The following TLK1 variants were observed in gnomAD, a reference collection of about 807,000 sequenced individuals.
TLK1 encodes the protein serine/threonine-protein kinase tousled-like 1.
A neutral mutation model predicts 105.3 loss-of-function variants in TLK1; 24 were observed. The observed-to-expected ratio is 0.23, with a 90% CI of 0.17 to 0.32. The LOEUF (loss-of-function observed/expected upper bound fraction) is 0.32. TLK1 is among the 10% of genes least tolerant of loss of function. TLK1 has a pLI of 1.00. For missense variants in TLK1, 558 were observed against 910.5 expected, an observed-to-expected ratio of 0.61 and a Z score of 4.98; for synonymous variants, 321 against 310.4, an observed-to-expected ratio of 1.03 and a Z score of -0.36.
At chr2:171,065,753 G>A (rs926628767) in intron 3 of TLK1, among the ~76,000 whole-genome samples, 9 of 152,136 alleles carry the variant, frequency 5.9e-5, no homozygotes, top group African/African-American at 1.7e-4. Flanking sequence ...TAGCCAGGAT[G>A]GTCTCGATCT....
At chr2:171,003,516 C>A (rs1199899282) in intron 18 of TLK1, among the ~76,000 whole-genome samples, 4 of 152,120 alleles carry the variant, frequency 2.6e-5, no homozygotes, top group Non-Finnish European at 5.9e-5. Context: ...TCCATCATTA[C>A]TGGTGTTATT....
At chr2:171,018,267 A>T (rs376095402) in intron 12 of TLK1, among the ~76,000 whole-genome samples, 16 of 152,346 alleles carry the variant, frequency 1.1e-4, no homozygotes, top group African/African-American at 3.4e-4. Context: ...GAGAGCCCTT[A>T]CCCAAAACTA....
At chr2:171,214,456 C>T (rs1343034328) in intron 1 of TLK1, among the ~76,000 whole-genome samples, 1 of 152,136 alleles carries the variant, frequency 6.6e-6, no homozygotes, top group Non-Finnish European at 1.5e-5. Context: ...ACAACTTCAC[C>T]CATTCGTACT....
intron 1 of TLK1, among the ~76,000 whole-genome samples, chr2:171,149,222 G>A (rs1401142250): frequency 1.3e-5 from 2 of 150,566 alleles, no homozygotes; most frequent in Admixed American, 6.7e-5. Flanking sequence ...AAGGGTAGGG[G>A]CGGGCAGGGA....
At chr2:171,012,095 C>T (rs999080092) in intron 13 of TLK1, among the ~76,000 whole-genome samples, 5 of 151,868 alleles carry the variant, frequency 3.3e-5, no homozygotes, top group Middle Eastern at 3.4e-3. Context: ...AGAATATTGC[C>T]GACTGAGCAT....
intron 3 of TLK1, among the ~76,000 whole-genome samples, chr2:171,072,929 G>GA (rs11387073): frequency 0.59 from 72,139 of 123,226 alleles, 21,832 homozygotes; most frequent in East Asian, 0.93. Context: ...ACTCTGTCTC[G>GA]AAAAAAAAAA....
chr2:171,091,534 T>C (rs1243987572), intron 2 of TLK1: 1 of 152,178 alleles, frequency 6.6e-6, no homozygotes, highest in African/African-American at 2.4e-5. Flanking sequence ...GTATTTTTGG[T>C]AGGACTGGAA....
chr2:171,151,593 G>A (rs965169203), intron 1 of TLK1, among the ~76,000 whole-genome samples: 1 of 148,714 alleles, frequency 6.7e-6, no homozygotes, highest in African/African-American at 2.5e-5. Flanking sequence ...TCCCGCCTCA[G>A]CCTCCCGAGT....
In TLK1 at chr2:171,160,770, G is replaced by A. The variant is rs1692462650; in HGVS notation, c.-342C>T. 9.7e-6 allele frequency: 4 copies of A among 413,714 alleles called. No individual in the cohort carries two copies. Among genetic ancestry groups the A allele is most frequent in the Non-Finnish European group, 1.3e-5 (3 of 238,792 alleles). The allele number at this position is 413,714 out of a possible 1,614,324, so 25.6% of individuals were successfully genotyped here. A position where few individuals can be genotyped will look rare whatever the true frequency, so the allele number is the denominator to read the frequency against. On this transcript the variant is annotated 5_prime_UTR_variant, in exon 1 of 21. Coordinates refer to ENST00000431350, the MANE Select transcript of TLK1 (RefSeq NM_012290.5). This position sits in a 1 kb window ranked among gnomAD's most constrained non-coding sequence, Gnocchi z 4.4. ...GCGCGGGCGGAGCGCGGGCTGCGCCGGCCGAGGACACTTCCGCGGGCGGAA... is the reference window on the plus strand; with the variant it reads ...GCGCGGGCGGAGCGCGGGCTGCGCCAGCCGAGGACACTTCCGCGGGCGGAA...
chr2:171,201,882 A>G (rs1354081524), intron 1 of TLK1, among the ~76,000 whole-genome samples: 1 of 151,574 alleles, frequency 6.6e-6, no homozygotes, highest in African/African-American at 2.4e-5. Flanking sequence ...TTAGCCTAAG[A>G]CCATTTATCA....
chr2:171,207,285 G>A (rs1401123144), intron 1 of TLK1, among the ~76,000 whole-genome samples: 3 of 152,162 alleles, frequency 2.0e-5, no homozygotes, highest in Non-Finnish European at 4.4e-5. Context: ...GTGAAAGAAG[G>A]CAAATTGAAA....
Position 171,011,355 on chromosome 2 carries a change from G to C in TLK1, c.1416+18C>G. 3 of 1,587,968 alleles carry C rather than the reference G, an allele frequency of 1.9e-6. No homozygotes were observed. Among genetic ancestry groups the C allele is most frequent in the Non-Finnish European group, 2.6e-6 (3 of 1,165,510 alleles). ...TTGCTACATTAGTGTAAAAAAAACA[G>C]AATAAAACATACATTACCTTATACA... On this transcript the variant is annotated intron_variant, in intron 14 of 20. Coordinates refer to ENST00000431350, the MANE Select transcript of TLK1 (RefSeq NM_012290.5).
intron 1 of TLK1, among the ~76,000 whole-genome samples, chr2:171,192,693 TA>T (rs143214516): frequency 6.6e-6 from 1 of 151,176 alleles, no homozygotes; most frequent in African/African-American, 2.4e-5. Flanking sequence ...AAATAAAAAA[TA>T]AAAAAAATAA....
chr2:171,149,529 G>A (rs971111205), intron 1 of TLK1, among the ~76,000 whole-genome samples: 1 of 152,176 alleles, frequency 6.6e-6, no homozygotes, highest in Non-Finnish European at 1.5e-5. Context: ...CAGAGAAGTA[G>A]GAGACACTGG....
chr2:171,020,099 T>C (rs1461919314), intron 12 of TLK1, among the ~76,000 whole-genome samples: 1 of 151,638 alleles, frequency 6.6e-6, no homozygotes, highest in Non-Finnish European at 1.5e-5. Flanking sequence ...AAATTCACTT[T>C]AGTAATGTGA....
chr2:171,060,824 T>C (rs1430516211), intron 4 of TLK1, among the ~76,000 whole-genome samples: 3 of 151,980 alleles, frequency 2.0e-5, no homozygotes, highest in African/African-American at 2.4e-5. Flanking sequence ...ACAATACATA[T>C]AAAGAATGAA....
At chr2:171,055,433 C>T (rs1360072134) in intron 6 of TLK1, among the ~76,000 whole-genome samples, 3 of 151,234 alleles carry the variant, frequency 2.0e-5, no homozygotes, top group South Asian at 2.1e-4. Context: ...CATTCTAGTG[C>T]CATAAAAGAA....
At chr2:171,045,720 A>G (rs1486137299) in intron 11 of TLK1, 1 of 152,946 alleles carries the variant, frequency 6.5e-6, no homozygotes, top group Admixed American at 6.5e-5. Flanking sequence ...ATAATTCATT[A>G]ACAAAGAAAA....
intron 18 of TLK1, among the ~76,000 whole-genome samples, chr2:171,003,177 G>C (rs895773852): frequency 1.3e-5 from 2 of 148,916 alleles, no homozygotes; most frequent in African/African-American, 5.0e-5. Context: ...AGGAGGCTGA[G>C]GCAGGAAAAG....
Sources: gnomAD v4.1 joint callset for allele counts (sites outside exome capture counted in the v4.1 genomes callset) on GRCh38, gnomAD v4.1.1 for gene constraint, Gnocchi (gnomAD v3.1) non-coding constraint, MANE v1.5 for transcripts, NCBI Gene and HGNC (gene_info 2026-07-23, HGNC 2026-07-21) for gene names.